Variants in PLAAT1 observed in about 807,000 individuals in gnomAD.
PLAAT1 encodes the protein phospholipase A and acyltransferase 1.
A neutral mutation model predicts 16.4 loss-of-function variants in PLAAT1; 13 were observed. The ratio of observed to expected loss-of-function variants is 0.79; its 90% CI spans 0.52 to 1.26. The LOEUF is 1.26. Among genes scored for constraint, PLAAT1 ranks in the 50% most tolerant of loss-of-function variants. The pLI, the probability that PLAAT1 is intolerant of heterozygous loss-of-function variation, is 0.00. For synonymous variants in PLAAT1, 73 were observed against 78.4 expected (o/e 0.93, Z 0.36); for missense variants, 218 against 207.8 (o/e 1.05, Z -0.30).
chr3:193,277,610 T>A (rs1339455184), intron 2 of PLAAT1: 2 of 152,218 alleles, frequency 1.3e-5, no homozygotes, highest in Non-Finnish European at 2.9e-5. Context: ...TATTTCAAAG[T>A]AATACTTTGT....
At chr3:193,262,206 A>G (rs1201863994) in intron 2 of PLAAT1, among the ~76,000 whole-genome samples, 1 of 152,146 alleles carries the variant, frequency 6.6e-6, no homozygotes, top group Non-Finnish European at 1.5e-5. Flanking sequence ...AGACTAGGCA[A>G]ATGCTTATGA....
chr3:193,270,536 G>A (rs1238328910), intron 3 of PLAAT1, 68 bp from the exon 4 acceptor site: 1 of 1,470,844 alleles, frequency 6.8e-7, no homozygotes, highest in African/African-American at 1.4e-5. Flanking sequence ...ACAGGCTAAA[G>A]CTTCATTTAG....
chr3:193,252,791 A>G (rs903347205), intron 1 of PLAAT1, among the ~76,000 whole-genome samples: 21 of 152,274 alleles, frequency 1.4e-4, no homozygotes, highest in East Asian at 3.9e-4. Flanking sequence ...TTCAGCACCA[A>G]TTGTCAAAAA....
intron 2 of PLAAT1, among the ~76,000 whole-genome samples, chr3:193,260,503 A>G (rs1188418495): frequency 6.6e-6 from 1 of 152,178 alleles, no homozygotes; most frequent in Non-Finnish European, 1.5e-5. Context: ...ATTAATCAAC[A>G]TGTAAAAAAT....
At chr3:193,270,506 A>G in intron 3 of PLAAT1, 98 bp from the exon 4 acceptor site, 2 of 1,017,346 alleles carry the variant, frequency 2.0e-6, no homozygotes, top group African/African-American at 1.6e-5. Context: ...GTACATTAAA[A>G]CAGGTGTTCA....
At chr3:193,264,523 A>G (rs1307659705) in intron 3 of PLAAT1, among the ~76,000 whole-genome samples, 2 of 90,526 alleles carry the variant, frequency 2.2e-5, no homozygotes, top group South Asian at 7.1e-4. Context: ...TTTTTTTTTT[A>G]GATGGAGCCT....
chr3:193,241,159 C>G, upstream of PLAAT1: 2 of 1,189,076 alleles, frequency 1.7e-6, no homozygotes, highest in Non-Finnish European at 2.1e-6. Flanking sequence ...GGCTCGGGGC[C>G]AAGCGAGGTC....
At chr3:193,243,391 T>A (rs1715854572) in intron 1 of PLAAT1, among the ~76,000 whole-genome samples, 1 of 152,176 alleles carries the variant, frequency 6.6e-6, no homozygotes, top group African/African-American at 2.4e-5. Context: ...CTGGGCACCT[T>A]AGAGATATTC....
chr3:193,274,725 A>G, downstream of PLAAT1: 1 of 282,290 alleles, frequency 3.5e-6, no homozygotes, highest in South Asian at 9.9e-5. Context: ...TCTTTTTTCC[A>G]TTGATGTTCA....
At chr3:193,276,023 A>G (rs1416676922) in intron 2 of PLAAT1, among the ~76,000 whole-genome samples, 1 of 152,218 alleles carries the variant, frequency 6.6e-6, no homozygotes, top group Non-Finnish European at 1.5e-5. Flanking sequence ...TTGCCACTGT[A>G]GATAATATTA....
chr3:193,275,061 T>C, downstream of PLAAT1: 2 of 1,614,210 alleles, frequency 1.2e-6, no homozygotes, highest in Non-Finnish European at 1.7e-6. Context: ...GGCCCAGAAA[T>C]GCTGTTCTGT....
chr3:193,274,355 A>G (rs1261046452), downstream of PLAAT1, among the ~76,000 whole-genome samples: 2 of 152,228 alleles, frequency 1.3e-5, no homozygotes, highest in African/African-American at 4.8e-5. Context: ...GATCTACTCT[A>G]AACTTTCCTG....
At chr3:193,258,100 A>C (rs1716444631) in intron 2 of PLAAT1, among the ~76,000 whole-genome samples, 1 of 152,162 alleles carries the variant, frequency 6.6e-6, no homozygotes, top group African/African-American at 2.4e-5. Flanking sequence ...ACTCCTTAAT[A>C]AACTCCCTTT....
chr3:193,241,802 A>G (rs1715762488), intron 1 of PLAAT1, among the ~76,000 whole-genome samples: 2 of 152,182 alleles, frequency 1.3e-5, no homozygotes, highest in African/African-American at 4.8e-5. Context: ...AATATGAATA[A>G]TAATACAAGT....
intron 1 of PLAAT1, among the ~76,000 whole-genome samples, chr3:193,246,646 G>A (rs1715995059): frequency 6.6e-6 from 1 of 152,210 alleles, no homozygotes; most frequent in Admixed American, 6.5e-5. Flanking sequence ...ACAAGCATGA[G>A]CCACAGTGCC....
At chr3:193,266,666 T>C (rs1716787092) in intron 3 of PLAAT1, among the ~76,000 whole-genome samples, 1 of 152,126 alleles carries the variant, frequency 6.6e-6, no homozygotes, top group Non-Finnish European at 1.5e-5. Flanking sequence ...ATTATGGAGA[T>C]ATTTGAGGTC....
intron 1 of PLAAT1, among the ~76,000 whole-genome samples, chr3:193,253,608 A>G (rs917399343): frequency 2.6e-5 from 4 of 152,096 alleles, no homozygotes; most frequent in Admixed American, 2.6e-4. Flanking sequence ...TTATATGCCC[A>G]TACCTATTTT....
At chr3:193,255,555 A>G in intron 1 of PLAAT1, 96 bp from the exon 2 acceptor site, 1 of 1,260,910 alleles carries the variant, frequency 7.9e-7, no homozygotes, top group Non-Finnish European at 1.1e-6. Context: ...TGCAGTCTCA[A>G]TAAATTCTGT....
downstream of PLAAT1, among the ~76,000 whole-genome samples, chr3:193,280,195 C>T (rs777793506): frequency 2.5e-4 from 38 of 151,966 alleles, no homozygotes; most frequent in Non-Finnish European, 4.4e-4. Flanking sequence ...GGACTACAGG[C>T]GCCCACCACC....
Sources: allele counts gnomAD v4.1 joint callset (sites outside exome capture counted in the v4.1 genomes callset), GRCh38; gene constraint gnomAD v4.1.1; transcripts MANE v1.5; gene names NCBI Gene and HGNC (gene_info 2026-07-23, HGNC 2026-07-21).